Variants in RRAS2 observed in about 807,000 individuals in gnomAD.
RRAS2 encodes ras-related protein R-Ras2.
RRAS2 carries 7 observed loss-of-function variants against 27.6 expected under a neutral mutation model. The ratio of observed to expected loss-of-function variants is 0.25; its 90% CI spans 0.14 to 0.48. The LOEUF (loss-of-function observed/expected upper bound fraction) is 0.48. Ranked by LOEUF, RRAS2 falls within the 20% of genes least tolerant of loss-of-function variation. RRAS2 has a pLI of 0.99. For missense variants in RRAS2, 178 were observed against 256.2 expected, an observed-to-expected ratio of 0.69 and a Z score of 2.08; for synonymous variants, 86 against 90.9, an observed-to-expected ratio of 0.95 and a Z score of 0.31.
intron 1 of RRAS2, among the ~76,000 whole-genome samples, chr11:14,302,073 T>TATACACACACACACACACAC (rs1729319676): frequency 7.0e-6 from 1 of 142,362 alleles, no homozygotes; most frequent in African/African-American, 2.6e-5. Context: ...ACCACACACA[T>TATACACACACACACACACAC]ACACACACAC....
chr11:14,328,366 C>CAAAAAAACAAAAA (rs1848411404), intron 1 of RRAS2, among the ~76,000 whole-genome samples: 1 of 67,716 alleles, frequency 1.5e-5, no homozygotes, highest in Admixed American at 1.9e-4. Context: ...AACTCCAACT[C>CAAAAAAACAAAAA]AAAAAAAAAA....
At chr11:14,324,743 AG>A (rs1365946488) in intron 1 of RRAS2, among the ~76,000 whole-genome samples, 1 of 152,206 alleles carries the variant, frequency 6.6e-6, no homozygotes, top group African/African-American at 2.4e-5. Flanking sequence ...TGAACACAGC[AG>A]GGAAACTTAT....
At chr11:14,353,183 T>C (rs1849001208) in intron 1 of RRAS2, among the ~76,000 whole-genome samples, 1 of 152,194 alleles carries the variant, frequency 6.6e-6, no homozygotes. Flanking sequence ...CCTAACTGAA[T>C]GGAGCAGACT....
intron 4 of RRAS2, among the ~76,000 whole-genome samples, chr11:14,283,539 A>C (rs1430760646): frequency 6.6e-6 from 1 of 152,158 alleles, no homozygotes; most frequent in Admixed American, 6.5e-5. Context: ...CTGGGCTTGA[A>C]GTTTTCTTTG....
Position 14,358,817 on chromosome 11 carries a change from C to G in RRAS2, c.54G>C (p.Val18=). The change falls in exon 1 of 6, where the codon GTG becomes GTC. Residue 18 remains valine, a synonymous_variant. Coordinates refer to ENST00000256196, the MANE Select transcript of RRAS2 (RefSeq NM_012250.6). The surrounding 1 kb of genome is among the most constrained non-coding windows in gnomAD (Gnocchi z 5.1). The stretch of plus-strand genomic sequence containing the variant: ...TGCCCACGCCGCCCCCGCCGACCAC[C>G]ACGAGCCGGTACTTCTCCTGGCCGG... ...DGSGQEKYRL[V]VVGGGGVGKS... 1 of 1,493,420 alleles carries G rather than the reference C, an allele frequency of 6.7e-7. No homozygotes were observed. Among genetic ancestry groups the G allele is most frequent in the Non-Finnish European group, 9.0e-7 (1 of 1,115,856 alleles). 92.5% of individuals were successfully genotyped at this position (1,493,420 alleles called of 1,614,324 possible).
At chr11:14,290,589 G>T (rs977095884) in intron 4 of RRAS2, among the ~76,000 whole-genome samples, 20 of 152,230 alleles carry the variant, frequency 1.3e-4, no homozygotes, top group Non-Finnish European at 2.4e-4. Flanking sequence ...ACACTTTAGA[G>T]AGACACGGAG....
At chr11:14,328,057 T>G (rs1848401402) in intron 1 of RRAS2, among the ~76,000 whole-genome samples, 1 of 152,164 alleles carries the variant, frequency 6.6e-6, no homozygotes, top group African/African-American at 2.4e-5. Flanking sequence ...ACAAAGTACA[T>G]AAGGCTAACA....
intron 1 of RRAS2, among the ~76,000 whole-genome samples, chr11:14,335,681 A>AT (rs1848575426): frequency 6.6e-6 from 1 of 152,212 alleles, no homozygotes; most frequent in Non-Finnish European, 1.5e-5. Context: ...CTTGACAAAC[A>AT]TAAGACTCTG....
chr11:14,364,257 G>T (rs942769308), intron 1 of RRAS2: 3 of 831,620 alleles, frequency 3.6e-6, no homozygotes, highest in Non-Finnish European at 5.9e-6. Flanking sequence ...CCAGAGACAG[G>T]ATCTGAGGGT....
intron 1 of RRAS2, among the ~76,000 whole-genome samples, chr11:14,297,247 C>T (rs978387732): frequency 6.6e-6 from 1 of 152,128 alleles, no homozygotes; most frequent in Non-Finnish European, 1.5e-5. Context: ...CAGCTTAATG[C>T]TAGGAACCAG....
chr11:14,284,959 C>T (rs1280054388), intron 4 of RRAS2, among the ~76,000 whole-genome samples: 1 of 152,122 alleles, frequency 6.6e-6, no homozygotes, highest in Non-Finnish European at 1.5e-5. Context: ...TCTAACACAT[C>T]TGCCTTTTAA....
intron 4 of RRAS2, among the ~76,000 whole-genome samples, chr11:14,289,580 T>C (rs1849753410): frequency 6.6e-6 from 1 of 152,234 alleles, no homozygotes; most frequent in African/African-American, 2.4e-5. Flanking sequence ...AGGGACCAGA[T>C]GGCTGGTAAT....
intron 1 of RRAS2, among the ~76,000 whole-genome samples, chr11:14,323,103 A>G (rs1848261857): frequency 6.6e-6 from 1 of 152,210 alleles, no homozygotes; most frequent in South Asian, 2.1e-4. Flanking sequence ...TATGAAGCAC[A>G]GACAAAATGG....
intron 1 of RRAS2, among the ~76,000 whole-genome samples, chr11:14,307,116 G>A (rs917063635): frequency 6.6e-5 from 10 of 151,718 alleles, no homozygotes; most frequent in African/African-American, 1.9e-4. Flanking sequence ...ATGGGAGCTC[G>A]GGAAGTCAAG....
chr11:14,342,347 AATCCCTTC>A (rs782403547), intron 1 of RRAS2, among the ~76,000 whole-genome samples: 3 of 152,228 alleles, frequency 2.0e-5, no homozygotes, highest in African/African-American at 4.8e-5. Context: ...ACCTTGGGCA[AATCCCTTC>A]TTCCCAAGCC....
intron 1 of RRAS2, among the ~76,000 whole-genome samples, chr11:14,350,633 C>T (rs985844219): frequency 4.3e-4 from 65 of 152,132 alleles, no homozygotes; most frequent in African/African-American, 1.4e-3. Context: ...TTTCCCTGAG[C>T]CACACTGGAA....
chr11:14,306,494 C>T (rs1216249198), intron 1 of RRAS2, among the ~76,000 whole-genome samples: 1 of 152,024 alleles, frequency 6.6e-6, no homozygotes, highest in African/African-American at 2.4e-5. Context: ...TCTCATAGCC[C>T]CCTTCTTATA....
chr11:14,285,731 A>G lies in RRAS2; in HGVS notation c.409-4011T>C, dbSNP rs915655792. On this transcript the variant is annotated intron_variant, in intron 4 of 5. Coordinates refer to ENST00000256196, the MANE Select transcript of RRAS2 (RefSeq NM_012250.6). ...TGAATCCTAGTTGATAGTTTTTGCT[A>G]TCAGTACTTAAAAGATTCTGCACCA... 1.1e-4 allele frequency among the ~76,000 whole-genome samples: 16 copies of G among 152,302 alleles called. 1 individual carries two copies. Among genetic ancestry groups the G allele is most frequent in the Admixed American group, 1.0e-3 (16 of 15,290 alleles).
chr11:14,296,009 TA>T lies in RRAS2; in HGVS notation c.109-155del, dbSNP rs376614661. 3,325 of 505,898 alleles carry T rather than the reference TA, an allele frequency of 6.6e-3. 84 individuals carry two copies. The highest frequency in any genetic ancestry group is 0.056 in the African/African-American group (2,849 of 50,656). 31.3% of individuals were successfully genotyped at this position (505,898 alleles called of 1,614,324 possible). A position where few individuals can be genotyped will look rare whatever the true frequency, so the allele number is the denominator to read the frequency against. On this transcript the variant is annotated intron_variant, in intron 1 of 5. Coordinates refer to ENST00000256196, the MANE Select transcript of RRAS2 (RefSeq NM_012250.6). The stretch of plus-strand genomic sequence containing the variant: ...GCAACACAGCAAGACTCTTATCTCT[TA>T]AAAAAAAATTAAAAAATTAAAAAAT...
Sources: gnomAD v4.1 joint callset for allele counts (sites outside exome capture counted in the v4.1 genomes callset) on GRCh38, gnomAD v4.1.1 for gene constraint, Gnocchi (gnomAD v3.1) non-coding constraint, MANE v1.5 for transcripts, NCBI Gene and HGNC (gene_info 2026-07-23, HGNC 2026-07-21) for gene names.